GALNT18: variants seen among roughly 807,000 people sequenced by gnomAD.
GALNT18 encodes the protein polypeptide N-acetylgalactosaminyltransferase 18, also known as GalNAc-transferase 18.
In GALNT18, 44 loss-of-function variants were observed where a neutral mutation model predicts 69.5. The ratio of observed to expected loss-of-function variants is 0.63; its 90% CI spans 0.50 to 0.81. The LOEUF (loss-of-function observed/expected upper bound fraction) is 0.81. GALNT18 is among the 40% of genes least tolerant of loss of function. GALNT18 has a pLI of 0.00. For synonymous variants in GALNT18, 364 were observed against 318.2 expected (o/e 1.14, Z -1.53); for missense variants, 715 against 810.0 (o/e 0.88, Z 1.42).
Position 11,555,194 on chromosome 11 carries a change from C to T in GALNT18, c.235+66165G>A, listed in dbSNP as rs1331410086. On this transcript the variant is annotated intron_variant, in intron 1 of 10. Transcript: ENST00000227756. The surrounding 1 kb of genome is among the most constrained non-coding windows in gnomAD (Gnocchi z 4.7). ...AGGATCCCTGATGGGCTGCTCAGGG[C>T]GGGGGTGCCTATCCCCACCCCACCA... Among the ~76,000 whole-genome samples the T allele has an allele frequency of 6.6e-6, 1 of 152,128 alleles. No individual in the cohort carries two copies. Among genetic ancestry groups the T allele is most frequent in the Non-Finnish European group, 1.5e-5 (1 of 68,018 alleles).
chr11:11,363,797 G>A (rs1028339749), intron 6 of GALNT18, among the ~76,000 whole-genome samples: 1 of 152,148 alleles, frequency 6.6e-6, no homozygotes, highest in Non-Finnish European at 1.5e-5. Context: ...CTCACTCACA[G>A]TAAGCTGGGT....
In GALNT18 at chr11:11,563,554, C is replaced by A. The variant is rs533228993; in HGVS notation, c.235+57805G>T. Among the ~76,000 whole-genome samples, 17 of 152,194 alleles carry A rather than the reference C, an allele frequency of 1.1e-4. No homozygotes were observed. The highest frequency in any genetic ancestry group is 1.6e-4 in the Non-Finnish European group (11 of 68,030). On this transcript the variant is annotated intron_variant, in intron 1 of 10. Transcript: ENST00000227756. This position sits in a 1 kb window ranked among gnomAD's most constrained non-coding sequence, Gnocchi z 4.6. ...TGACATTCACAGTGTCTTCTAGGTGCAAACAGAGGGCTGTATCATCTCATC... is the reference window on the plus strand; with the variant it reads ...TGACATTCACAGTGTCTTCTAGGTGAAAACAGAGGGCTGTATCATCTCATC...
At chr11:11,384,913 C>A (rs761261340) in intron 3 of GALNT18, among the ~76,000 whole-genome samples, 16 of 152,196 alleles carry the variant, frequency 1.1e-4, no homozygotes, top group Non-Finnish European at 1.9e-4. Flanking sequence ...ACAGGAAGAG[C>A]ATATTGGTCC....
intron 9 of GALNT18, among the ~76,000 whole-genome samples, chr11:11,304,381 T>TTCTC (rs1849544033): frequency 6.6e-6 from 1 of 152,342 alleles, no homozygotes; most frequent in East Asian, 1.9e-4. Context: ...CATTAGTAAG[T>TTCTC]TCTCTATGTT....
At chr11:11,468,800 G>T (rs538152850) in intron 1 of GALNT18, among the ~76,000 whole-genome samples, 2 of 152,176 alleles carry the variant, frequency 1.3e-5, no homozygotes, top group Non-Finnish European at 2.9e-5. Flanking sequence ...ACTGAAGGGG[G>T]TGTGGCAGAT....
intron 9 of GALNT18, among the ~76,000 whole-genome samples, chr11:11,296,583 A>C (rs532935797): frequency 9.2e-5 from 14 of 152,330 alleles, no homozygotes; most frequent in South Asian, 2.1e-4. Flanking sequence ...TCTCTGGAGC[A>C]GACTTGGCAG....
rs1479440304 is a variant in GALNT18 at position 11,591,667 on chromosome 11, TG to T, written c.235+29691del. 6.6e-6 allele frequency among the ~76,000 whole-genome samples: 1 copy of T among 152,208 alleles called. No individual in the cohort carries two copies. The highest frequency in any genetic ancestry group is 1.5e-5 in the Non-Finnish European group (1 of 68,040). On this transcript the variant is annotated intron_variant, in intron 1 of 10. Coordinates refer to ENST00000227756, the MANE Select transcript of GALNT18 (RefSeq NM_198516.3). The surrounding 1 kb of genome is among the most constrained non-coding windows in gnomAD (Gnocchi z 4.8). The stretch of plus-strand genomic sequence containing the variant: ...AAATGCTCCCTCCTGGGTGAATGTA[TG>T]TGGTTAAAGGAGGCTGAGATAGTAA...
chr11:11,390,153 C>T (rs551592102), intron 3 of GALNT18, among the ~76,000 whole-genome samples: 3 of 152,252 alleles, frequency 2.0e-5, no homozygotes, highest in African/African-American at 7.2e-5. Flanking sequence ...CCATCCTACC[C>T]CCAGTCCCCA....
chr11:11,379,785 A>G (rs1589953949), intron 3 of GALNT18, among the ~76,000 whole-genome samples: 1 of 152,334 alleles, frequency 6.6e-6, no homozygotes, highest in Non-Finnish European at 1.5e-5. Flanking sequence ...CTTTCCAGGA[A>G]GTGGATGGCC....
intron 6 of GALNT18, among the ~76,000 whole-genome samples, chr11:11,363,010 T>C (rs1589938908): frequency 6.6e-6 from 1 of 152,324 alleles, no homozygotes; most frequent in East Asian, 1.9e-4. Context: ...TATACTGTTA[T>C]AGAACAATCT....
chr11:11,409,674 A>G (rs1564934059), intron 3 of GALNT18, among the ~76,000 whole-genome samples: 1 of 142,162 alleles, frequency 7.0e-6, no homozygotes, highest in Admixed American at 7.7e-5. Context: ...AGCCCTTTCT[A>G]AAGACAGTCA....
At position 11,469,434 on chromosome 11, in the gene GALNT18, CAG is replaced by C. The variant is rs1207845629; in HGVS notation, c.236-20500_236-20499del. 6.6e-6 allele frequency among the ~76,000 whole-genome samples: 1 copy of C among 152,176 alleles called. No homozygotes were observed. ...CAGGGTCCAGTACAGATCTCCATGG[CAG>C]AGACAGGCTGCTGCAGGGCTCAACA... On this transcript the variant is annotated intron_variant, in intron 1 of 10. Transcript: ENST00000227756. The surrounding 1 kb of genome is among the most constrained non-coding windows in gnomAD (Gnocchi z 4.2).
At position 11,463,066 on chromosome 11, in the gene GALNT18, T is replaced by C. The variant is rs1346567097; in HGVS notation, c.236-14130A>G. 1.3e-5 allele frequency among the ~76,000 whole-genome samples: 2 copies of C among 152,112 alleles called. No individual in the cohort carries two copies. The highest frequency in any genetic ancestry group is 2.9e-5 in the Non-Finnish European group (2 of 68,026). On this transcript the variant is annotated intron_variant, in intron 1 of 10. Coordinates refer to ENST00000227756, the MANE Select transcript of GALNT18 (RefSeq NM_198516.3). The surrounding 1 kb of genome is among the most constrained non-coding windows in gnomAD (Gnocchi z 4.2). ...GCAGGTGGGAGGGTAAGCAGTGCTC[T>C]GCAGTGTGGAGAGAGAGGATATCAA...
At chr11:11,362,508 C>T (rs894981663) in intron 6 of GALNT18, among the ~76,000 whole-genome samples, 1 of 152,000 alleles carries the variant, frequency 6.6e-6, no homozygotes, top group African/African-American at 2.4e-5. Context: ...ACTAACAACC[C>T]TATAGGAAAG....
rs1043287288 is a variant in GALNT18 at position 11,454,035 on chromosome 11, C to T, written c.236-5099G>A. Reference sequence around the variant, plus strand: ...CATCTGGCGCCTAGTAGGTGCTTAACCAATACCAGTAAAATGAACGAATAG... The same window carrying T: ...CATCTGGCGCCTAGTAGGTGCTTAATCAATACCAGTAAAATGAACGAATAG... On this transcript the variant is annotated intron_variant, in intron 1 of 10. Transcript: ENST00000227756. This position sits in a 1 kb window ranked among gnomAD's most constrained non-coding sequence, Gnocchi z 4.2. 6.6e-6 allele frequency among the ~76,000 whole-genome samples: 1 copy of T among 152,142 alleles called. No homozygotes were observed. The highest frequency in any genetic ancestry group is 2.4e-5 in the African/African-American group (1 of 41,426).
chr11:11,300,847 C>T (rs776673468), intron 9 of GALNT18, among the ~76,000 whole-genome samples: 13 of 152,084 alleles, frequency 8.5e-5, no homozygotes, highest in Non-Finnish European at 1.3e-4. Context: ...GGCCTGGGCA[C>T]GGGGATTTAT....
chr11:11,604,802 A>T lies in GALNT18; in HGVS notation c.235+16557T>A, dbSNP rs1249716341. Among the ~76,000 whole-genome samples, 2 of 152,114 alleles carry T rather than the reference A, an allele frequency of 1.3e-5. No homozygotes were observed. The highest frequency in any genetic ancestry group is 4.8e-5 in the African/African-American group (2 of 41,420). On this transcript the variant is annotated intron_variant, in intron 1 of 10. Coordinates refer to ENST00000227756, the MANE Select transcript of GALNT18 (RefSeq NM_198516.3). The surrounding 1 kb of genome is among the most constrained non-coding windows in gnomAD (Gnocchi z 5.6). The stretch of plus-strand genomic sequence containing the variant: ...TAGCTCAGCCATGCAGGGAGGCATA[A>T]TTAGTTTCCCGGCCCATAGCTTCAT...
chr11:11,319,623 CT>C (rs1181754405), intron 9 of GALNT18, among the ~76,000 whole-genome samples: 2 of 152,150 alleles, frequency 1.3e-5, no homozygotes, highest in Non-Finnish European at 2.9e-5. Flanking sequence ...AATTTCTTAG[CT>C]TAAGAGCCTA....
chr11:11,512,957 TACTTAC>T (rs1233546826), intron 1 of GALNT18, among the ~76,000 whole-genome samples: 2 of 152,218 alleles, frequency 1.3e-5, no homozygotes, highest in Non-Finnish European at 2.9e-5. Flanking sequence ...TGCATCTGTG[TACTTAC>T]ACATACAGGC....
Sources: allele counts gnomAD v4.1 joint callset (sites outside exome capture counted in the v4.1 genomes callset), GRCh38; gene constraint gnomAD v4.1.1; non-coding constraint Gnocchi (gnomAD v3.1); transcripts MANE v1.5; gene names NCBI Gene and HGNC (gene_info 2026-07-23, HGNC 2026-07-21).